Variants in IQSEC1 observed in about 807,000 individuals in gnomAD.
The protein encoded by IQSEC1 is IQ motif and SEC7 domain-containing protein 1.
A neutral mutation model predicts 91.0 loss-of-function variants in IQSEC1; 31 were observed. That is an observed-to-expected ratio of 0.34 (90% confidence interval 0.26 to 0.46). The LOEUF is 0.46. Ranked by LOEUF, IQSEC1 falls within the 20% of genes least tolerant of loss-of-function variation. The pLI, the probability that IQSEC1 is intolerant of heterozygous loss-of-function variation, is 1.00. For missense variants in IQSEC1, 1,388 were observed against 1,575.6 expected (o/e 0.88, Z 2.02); for synonymous variants, 699 against 662.6 (o/e 1.05, Z -0.84).
intron 2 of IQSEC1, among the ~76,000 whole-genome samples, chr3:13,131,659 G>T (rs903728231): frequency 2.0e-5 from 3 of 151,878 alleles, no homozygotes; most frequent in Admixed American, 1.3e-4. Context: ...GCTAACTTTT[G>T]TATTTTTAGT....
chr3:13,037,423 C>T (rs964427822), intron 1 of IQSEC1, among the ~76,000 whole-genome samples: 17 of 152,274 alleles, frequency 1.1e-4, no homozygotes, highest in South Asian at 4.1e-4. Flanking sequence ...ATACTTAGAC[C>T]GGGGCATGGC....
At chr3:13,028,603 C>A (rs1265387868) in intron 1 of IQSEC1, among the ~76,000 whole-genome samples, 2 of 152,200 alleles carry the variant, frequency 1.3e-5, no homozygotes, top group African/African-American at 2.4e-5. Context: ...ACAGATGACA[C>A]CCCAGATGGA....
intron 2 of IQSEC1, among the ~76,000 whole-genome samples, 163 bp from the exon 3 acceptor site, chr3:12,936,860 T>A (rs1183244339): frequency 6.6e-6 from 1 of 152,096 alleles, no homozygotes; most frequent in Non-Finnish European, 1.5e-5. Context: ...ATGCAAAATA[T>A]GAGTCCCAAG....
upstream of IQSEC1, among the ~76,000 whole-genome samples, chr3:13,077,018 ATTTC>A (rs1368931163): frequency 2.0e-4 from 24 of 121,602 alleles, no homozygotes; most frequent in Admixed American, 1.0e-4. Context: ...CATTTTACAA[ATTTC>A]TTTCTTTCTT....
chr3:12,978,710 A>G (rs1232019347), intron 1 of IQSEC1, among the ~76,000 whole-genome samples: 3 of 148,966 alleles, frequency 2.0e-5, no homozygotes, highest in African/African-American at 5.2e-5. Context: ...GTCTCAAAAA[A>G]AAAAATAAAT....
chr3:13,161,728 T>TG (rs1435657659), intron 2 of IQSEC1, among the ~76,000 whole-genome samples: 1 of 152,224 alleles, frequency 6.6e-6, no homozygotes, highest in East Asian at 1.9e-4. Flanking sequence ...CAGGGCATTT[T>TG]GGGGCTGGAT....
chr3:13,260,575 T>C (rs1695364409), intron 1 of IQSEC1, among the ~76,000 whole-genome samples: 1 of 152,202 alleles, frequency 6.6e-6, no homozygotes. Flanking sequence ...AAAGTCCTGG[T>C]GTCCCAGGCT....
intron 1 of IQSEC1, among the ~76,000 whole-genome samples, chr3:12,950,022 G>A (rs939142840): frequency 1.4e-4 from 21 of 152,220 alleles, no homozygotes; most frequent in African/African-American, 7.2e-5. Context: ...TGATGTGGCT[G>A]GGGCTGGGTC....
chr3:13,263,822 G>A (rs1335468860), intron 1 of IQSEC1, among the ~76,000 whole-genome samples: 1 of 152,096 alleles, frequency 6.6e-6, no homozygotes, highest in Non-Finnish European at 1.5e-5. Context: ...GGCTGGAGTG[G>A]ATCCTGGAGC....
chr3:13,116,133 G>A (rs1371038567), intron 2 of IQSEC1, among the ~76,000 whole-genome samples: 1 of 152,202 alleles, frequency 6.6e-6, no homozygotes, highest in Non-Finnish European at 1.5e-5. Context: ...GCAGAGGCGC[G>A]TGGAAGTCCT....
At position 12,901,120 on chromosome 3, in the gene IQSEC1, C is replaced by T. The variant is rs777987415; in HGVS notation, c.3208G>A (p.Gly1070Arg). 1.8e-5 allele frequency: 28 copies of T among 1,540,826 alleles called. No homozygotes were observed. Among genetic ancestry groups the T allele is most frequent in the Middle Eastern group, 1.7e-4 (1 of 5,894 alleles). ...GGCGGGTGGCCGTGGGCATGGGCCC[C>T]GTAGGCTGGGTGGCCCCCATGGGGG... ...HGPHGGHPAY[G>R]AHAHGHPPLP... The change falls in exon 14 of 14, where the codon GGG becomes AGG. Residue 1070 changes from glycine (G) to arginine (R), a missense_variant. Physicochemically the swap from Gly to Arg is moderately radical, Grantham distance 125. Coordinates refer to ENST00000613206, the MANE Select transcript of IQSEC1 (RefSeq NM_001134382.3).
chr3:13,073,519 C>T (rs1377384736), upstream of IQSEC1, among the ~76,000 whole-genome samples: 1 of 152,112 alleles, frequency 6.6e-6, no homozygotes, highest in African/African-American at 2.4e-5. Context: ...CGCCGAGGCG[C>T]TGGTCGCCAT....
At chr3:13,052,852 T>C in intron 1 of IQSEC1, 1 of 662,108 alleles carries the variant, frequency 1.5e-6, no homozygotes, top group East Asian at 2.5e-5. Context: ...AAAAATATAT[T>C]CCCAATAAAA....
chr3:12,974,575 G>A (rs146788235), intron 1 of IQSEC1, among the ~76,000 whole-genome samples: 1 of 152,302 alleles, frequency 6.6e-6, no homozygotes, highest in Non-Finnish European at 1.5e-5. Context: ...AAGTGGAAGG[G>A]AAATGGCCAT....
Position 12,913,557 on chromosome 3 carries a change from T to C in IQSEC1, c.2191-4A>G, listed in dbSNP as rs767983952. 1.9e-6 allele frequency: 3 copies of C among 1,601,028 alleles called. No individual in the cohort carries two copies. Among genetic ancestry groups the C allele is most frequent in the Non-Finnish European group, 2.6e-6 (3 of 1,171,722 alleles). Reference sequence around the variant, plus strand: ...GACGGTGGGGCAGAGAGAGCACCTGTGTGGGAAGAGGCTGTCCTGCCACGG... The same window carrying C: ...GACGGTGGGGCAGAGAGAGCACCTGCGTGGGAAGAGGCTGTCCTGCCACGG... On this transcript the variant is annotated splice_polypyrimidine_tract_variant and splice_region_variant and intron_variant, in intron 8 of 13. Transcript: ENST00000613206.
rs1693734017 is a variant in IQSEC1 at position 12,897,225 on chromosome 3, T to C, written c.*3758A>G. The stretch of plus-strand genomic sequence containing the variant: ...TCAGAAAAAGTGAGAATCCGAGAGT[T>C]TCAAAGGATTTATTTGATTTCCCCA... On this transcript the variant is annotated 3_prime_UTR_variant, in exon 14 of 14. Transcript: ENST00000613206. 1 of 152,244 alleles carries C rather than the reference T, an allele frequency of 6.6e-6. No individual in the cohort carries two copies. The highest frequency in any genetic ancestry group is 1.5e-5 in the Non-Finnish European group (1 of 68,040). 9.4% of individuals were successfully genotyped at this position (152,244 alleles called of 1,614,324 possible).
rs1290070371 is a variant in IQSEC1, at chr3:12,936,496, G to A, written c.520C>T (p.His174Tyr). 1 of 1,613,446 alleles carries A rather than the reference G, an allele frequency of 6.2e-7. No individual in the cohort carries two copies. The highest frequency in any genetic ancestry group is 2.2e-5 in the East Asian group (1 of 44,870). The change falls in exon 3 of 14, where the codon CAC (histidine) becomes TAC (tyrosine). Residue 174 changes from histidine to tyrosine, a missense_variant. Physicochemically the swap from His to Tyr is moderately conservative, Grantham distance 83. Coordinates refer to ENST00000613206, the MANE Select transcript of IQSEC1 (RefSeq NM_001134382.3). Reference protein sequence around the residue: ...QFSFEGPEKVHSSYFEGKQVS... With the variant: ...QFSFEGPEKVYSSYFEGKQVS... ...TGCTTCCCCTCGAAGTAGGAGCTGT[G>A]CACTTTCTCAGGCCCCTCAAAGGAG...
At chr3:13,133,709 A>G (rs1477012285) in intron 2 of IQSEC1, among the ~76,000 whole-genome samples, 1 of 152,238 alleles carries the variant, frequency 6.6e-6, no homozygotes, top group Non-Finnish European at 1.5e-5. Context: ...TTCTAAATAC[A>G]ACAGACAACT....
At chr3:12,920,087 T>G (rs1231417374) in intron 6 of IQSEC1, among the ~76,000 whole-genome samples, 2 of 152,182 alleles carry the variant, frequency 1.3e-5, no homozygotes, top group African/African-American at 2.4e-5. Flanking sequence ...CGATATCAAG[T>G]CCCCTTTTAA....
Sources: allele counts gnomAD v4.1 joint callset (sites outside exome capture counted in the v4.1 genomes callset), GRCh38; gene constraint gnomAD v4.1.1; transcripts MANE v1.5; gene names NCBI Gene and HGNC (gene_info 2026-07-23, HGNC 2026-07-21).